Variants in CNTNAP2 observed in about 807,000 individuals in gnomAD.
CNTNAP2 encodes contactin-associated protein-like 2.
CNTNAP2 carries 98 observed loss-of-function variants against 155.2 expected under a neutral mutation model. That is an observed-to-expected ratio of 0.63 (90% confidence interval 0.54 to 0.75). The LOEUF is 0.75. CNTNAP2 is among the 30% of genes least tolerant of loss of function. The probability of loss-of-function intolerance (pLI) is 0.00; values close to 1 mark genes in which losing one functional copy is unlikely to be tolerated. For missense variants in CNTNAP2, 1,727 were observed against 1,688.1 expected, an observed-to-expected ratio of 1.02 and a Z score of -0.40; for synonymous variants, 651 against 631.2, an observed-to-expected ratio of 1.03 and a Z score of -0.47.
intron 3 of CNTNAP2, among the ~76,000 whole-genome samples, chr7:146,944,862 T>G (rs529556965): frequency 6.6e-6 from 1 of 150,860 alleles, no homozygotes; most frequent in African/African-American, 2.4e-5. Flanking sequence ...TGGGCGACAG[T>G]GCGAGACTCC....
At chr7:148,164,545 A>T (rs561280931) in intron 17 of CNTNAP2, among the ~76,000 whole-genome samples, 1 of 150,800 alleles carries the variant, frequency 6.6e-6, no homozygotes, top group Non-Finnish European at 1.5e-5. Context: ...CAGTCCAGAC[A>T]CAGCCCTCCA....
At chr7:147,564,694 G>A (rs867844748) in intron 12 of CNTNAP2, among the ~76,000 whole-genome samples, 1 of 152,152 alleles carries the variant, frequency 6.6e-6, no homozygotes, top group Non-Finnish European at 1.5e-5. Context: ...TCTCAGGAGA[G>A]CTTCTCCTGT....
At chr7:147,815,346 G>C (rs1798247022) in intron 13 of CNTNAP2, among the ~76,000 whole-genome samples, 1 of 152,100 alleles carries the variant, frequency 6.6e-6, no homozygotes, top group African/African-American at 2.4e-5. Context: ...TCTGCTTCCA[G>C]TCTCATTCAG....
intron 1 of CNTNAP2, among the ~76,000 whole-genome samples, chr7:146,263,411 CTCT>C: frequency 6.6e-6 from 1 of 152,294 alleles, no homozygotes; most frequent in Middle Eastern, 3.4e-3. Flanking sequence ...TCATTGTCTT[CTCT>C]TCTTCAATTC....
At chr7:148,147,810 G>C (rs1259171264) in intron 17 of CNTNAP2, 101 bp downstream of exon 17, 4 of 1,196,924 alleles carry the variant, frequency 3.3e-6, no homozygotes, top group Non-Finnish European at 4.8e-6. Context: ...GTTTGATATA[G>C]AGATCCTTCC....
chr7:146,689,580 G>T (rs2172721), intron 1 of CNTNAP2, among the ~76,000 whole-genome samples: 1 of 151,910 alleles, frequency 6.6e-6, no homozygotes, highest in Non-Finnish European at 1.5e-5. Context: ...TGTCACTCTC[G>T]TTTTATTATC....
intron 1 of CNTNAP2, among the ~76,000 whole-genome samples, chr7:146,301,525 G>T (rs4615478): frequency 1.3e-5 from 2 of 151,674 alleles, no homozygotes; most frequent in Non-Finnish European, 2.9e-5. Flanking sequence ...GCTAGGGAGG[G>T]TGAGGCAGGA....
intron 3 of CNTNAP2, among the ~76,000 whole-genome samples, chr7:147,027,014 A>G (rs1323128255): frequency 1.5e-5 from 2 of 132,342 alleles, no homozygotes; most frequent in Non-Finnish European, 3.1e-5. Flanking sequence ...GAAAAAAAAA[A>G]AAACAAAAAA....
intron 1 of CNTNAP2, among the ~76,000 whole-genome samples, chr7:146,615,778 A>C (rs1449318376): frequency 6.6e-6 from 1 of 152,188 alleles, no homozygotes; most frequent in African/African-American, 2.4e-5. Context: ...AACCTGAGAC[A>C]CAGTATACAT....
intron 11 of CNTNAP2, among the ~76,000 whole-genome samples, chr7:147,549,209 GATA>G (rs1237582595): frequency 6.6e-6 from 1 of 152,146 alleles, no homozygotes; most frequent in East Asian, 1.9e-4. Flanking sequence ...CCATTTTCAT[GATA>G]ATGATTCTTC....
chr7:146,396,667 C>T (rs1009318925), intron 1 of CNTNAP2, among the ~76,000 whole-genome samples: 5 of 149,432 alleles, frequency 3.3e-5, no homozygotes, highest in Non-Finnish European at 7.4e-5. Flanking sequence ...GGAAATTATT[C>T]CTTTATTGGG....
At chr7:146,800,607 C>T (rs748961007) in intron 2 of CNTNAP2, among the ~76,000 whole-genome samples, 7 of 152,286 alleles carry the variant, frequency 4.6e-5, no homozygotes, top group Admixed American at 2.0e-4. Flanking sequence ...GGCACAGAGA[C>T]ATTAACTAGA....
intron 1 of CNTNAP2, among the ~76,000 whole-genome samples, chr7:146,291,560 T>C (rs1490787090): frequency 6.6e-6 from 1 of 152,050 alleles, no homozygotes; most frequent in Non-Finnish European, 1.5e-5. Flanking sequence ...ACAGAAACAA[T>C]TTGCTGCCCC....
At chr7:146,850,791 A>G (rs1049790011) in intron 3 of CNTNAP2, among the ~76,000 whole-genome samples, 1 of 152,064 alleles carries the variant, frequency 6.6e-6, no homozygotes, top group Admixed American at 6.6e-5. Context: ...AATAAAAATA[A>G]AAAAAACTAA....
At chr7:148,224,724 G>A (rs1206756427) in intron 19 of CNTNAP2, among the ~76,000 whole-genome samples, 4 of 152,174 alleles carry the variant, frequency 2.6e-5, no homozygotes, top group East Asian at 1.9e-4. Flanking sequence ...ATTTATAAAC[G>A]AAAGATTTTC....
At chr7:147,425,874 T>A (rs1797370316) in intron 10 of CNTNAP2, among the ~76,000 whole-genome samples, 1 of 152,192 alleles carries the variant, frequency 6.6e-6, no homozygotes, top group Admixed American at 6.5e-5. Context: ...TGATGCATAC[T>A]TCATTTATTC....
At chr7:147,749,748 G>C (rs17133837) in intron 13 of CNTNAP2, among the ~76,000 whole-genome samples, 1 of 152,142 alleles carries the variant, frequency 6.6e-6, no homozygotes, top group African/African-American at 2.4e-5. Context: ...CCAAAAGAGA[G>C]AGTCTGTGTT....
intron 3 of CNTNAP2, among the ~76,000 whole-genome samples, chr7:147,028,317 A>T (rs567565466): frequency 1.3e-5 from 2 of 152,250 alleles, no homozygotes; most frequent in African/African-American, 4.8e-5. Context: ...TGTCTCTTCA[A>T]GAAGTTTGGG....
At chr7:146,662,010 TTTTTAATGTAG>T (rs1173346484) in intron 1 of CNTNAP2, among the ~76,000 whole-genome samples, 1 of 152,208 alleles carries the variant, frequency 6.6e-6, no homozygotes, top group Non-Finnish European at 1.5e-5. Flanking sequence ...GTGTAGTGTT[TTTTTAATGTAG>T]TTTTAAACTG....
Sources: allele counts gnomAD v4.1 joint callset (sites outside exome capture counted in the v4.1 genomes callset), GRCh38; gene constraint gnomAD v4.1.1; transcripts MANE v1.5; gene names NCBI Gene and HGNC (gene_info 2026-07-23, HGNC 2026-07-21).